The following WWOX variants were observed in gnomAD, a reference collection of about 807,000 sequenced individuals.
WWOX encodes WW domain containing oxidoreductase, also known as WW domain-containing oxidoreductase.
In WWOX, 69 loss-of-function variants were observed where a neutral mutation model predicts 46.2. The observed-to-expected ratio is 1.49, with a 90% CI of 1.23 to 1.82. WWOX has a LOEUF of 1.82. WWOX is among the 40% of genes most tolerant of loss of function. The probability of loss-of-function intolerance (pLI) is 0.00; values close to 1 mark genes in which losing one functional copy is unlikely to be tolerated. For missense variants in WWOX, 919 were observed against 542.6 expected (o/e 1.69, Z -6.89); for synonymous variants, 359 against 202.6 (o/e 1.77, Z -6.56).
intron 8 of WWOX, among the ~76,000 whole-genome samples, chr16:79,182,620 G>A (rs2050934771): frequency 1.3e-5 from 2 of 152,146 alleles, no homozygotes; most frequent in South Asian, 2.1e-4. Context: ...AGATTCTGGA[G>A]TCAGAAGGCC....
intron 8 of WWOX, among the ~76,000 whole-genome samples, chr16:78,656,668 C>T (rs1335471794): frequency 6.6e-6 from 1 of 152,156 alleles, no homozygotes; most frequent in Non-Finnish European, 1.5e-5. Flanking sequence ...TTGGGGATTG[C>T]AGTTTGATGT....
At chr16:79,036,337 T>A (rs1368942275) in intron 8 of WWOX, among the ~76,000 whole-genome samples, 2 of 152,226 alleles carry the variant, frequency 1.3e-5, no homozygotes, top group Admixed American at 6.5e-5. Flanking sequence ...TCATCACTCT[T>A]CCTGCATTCA....
At chr16:78,990,610 A>G (rs1215760290) in intron 8 of WWOX, among the ~76,000 whole-genome samples, 2 of 152,236 alleles carry the variant, frequency 1.3e-5, no homozygotes, top group African/African-American at 4.8e-5. Flanking sequence ...GTAAGATGGT[A>G]GAGCGAACAG....
chr16:78,136,909 G>A (rs1459155524), intron 4 of WWOX, among the ~76,000 whole-genome samples: 3 of 152,118 alleles, frequency 2.0e-5, no homozygotes, highest in East Asian at 1.9e-4. Flanking sequence ...CCAGACCTTC[G>A]CAGAGGGCAG....
intron 8 of WWOX, among the ~76,000 whole-genome samples, chr16:78,918,756 A>G (rs1414861494): frequency 6.6e-6 from 1 of 152,212 alleles, no homozygotes; most frequent in East Asian, 1.9e-4. Flanking sequence ...GAAATTCCAG[A>G]ATTAATGCTC....
intron 8 of WWOX, among the ~76,000 whole-genome samples, chr16:78,509,438 C>A (rs1011993433): frequency 4.1e-5 from 6 of 145,772 alleles, no homozygotes; most frequent in African/African-American, 1.0e-4. Flanking sequence ...GACTCAGTCT[C>A]AAAAAAAAAA....
At chr16:78,697,232 C>T (rs539030003) in intron 8 of WWOX, among the ~76,000 whole-genome samples, 3 of 152,340 alleles carry the variant, frequency 2.0e-5, no homozygotes, top group African/African-American at 7.2e-5. Flanking sequence ...TCTTCAAGAA[C>T]TCTCCACACT....
At position 78,835,383 on chromosome 16, in the gene WWOX, C is replaced by T. The variant is rs150144653; in HGVS notation, c.1057-376225C>T. ...TCCACACGTTGATAATGGTCAAATCCTCTTAAAGGGGCCAGCAACAAAAAT... is the reference window on the plus strand; with the variant it reads ...TCCACACGTTGATAATGGTCAAATCTTCTTAAAGGGGCCAGCAACAAAAAT... On this transcript the variant is annotated intron_variant, in intron 8 of 8. Transcript: ENST00000566780. Among the ~76,000 whole-genome samples the T allele has an allele frequency of 5.3e-3, 809 of 152,230 alleles. 7 individuals are homozygous for T. Among genetic ancestry groups the T allele is most frequent in the Middle Eastern group, 0.01 (3 of 294 alleles).
intron 5 of WWOX, among the ~76,000 whole-genome samples, chr16:78,353,669 T>G (rs1045414443): frequency 6.6e-6 from 1 of 152,240 alleles, no homozygotes; most frequent in African/African-American, 2.4e-5. Flanking sequence ...AGATTAGAGA[T>G]GTAACTCTGT....
At chr16:78,405,001 G>A (rs1480125404) in intron 6 of WWOX, among the ~76,000 whole-genome samples, 1 of 152,198 alleles carries the variant, frequency 6.6e-6, no homozygotes, top group Non-Finnish European at 1.5e-5. Flanking sequence ...ATCTTGGAGA[G>A]CATGTGGATG....
chr16:78,777,629 C>G (rs1187380295), intron 8 of WWOX, among the ~76,000 whole-genome samples: 1 of 151,994 alleles, frequency 6.6e-6, no homozygotes, highest in Non-Finnish European at 1.5e-5. Flanking sequence ...CTAATTTTTG[C>G]AATAGTCAAA....
At chr16:78,364,647 TTG>T (rs2081491964) in intron 5 of WWOX, among the ~76,000 whole-genome samples, 1 of 64,272 alleles carries the variant, frequency 1.6e-5, no homozygotes, top group Non-Finnish European at 3.9e-5. Context: ...ATCAGCCTGT[TTG>T]TGGGTGCTCT....
intron 8 of WWOX, among the ~76,000 whole-genome samples, chr16:79,128,349 A>G (rs896814216): frequency 8.8e-5 from 13 of 148,002 alleles, no homozygotes; most frequent in African/African-American, 3.0e-4. Context: ...TAAAAAAAAA[A>G]TAGGTCTTAG....
At position 78,458,348 on chromosome 16, in the gene WWOX, C is replaced by T. The variant is rs183011384; in HGVS notation, c.1056+25596C>T. ...TGATCACAGCTCACTGCAGTCTTGA[C>T]CTCCCAGGCTCAAGCAATCCTCTGG... On this transcript the variant is annotated intron_variant, in intron 8 of 8. Coordinates refer to ENST00000566780, the MANE Select transcript of WWOX (RefSeq NM_016373.4). Among the ~76,000 whole-genome samples the T allele has an allele frequency of 2.0e-3, 298 of 151,374 alleles. 2 individuals carry two copies. Among genetic ancestry groups the T allele is most frequent in the African/African-American group, 7.1e-3 (291 of 41,222 alleles).
intron 8 of WWOX, among the ~76,000 whole-genome samples, chr16:78,992,426 C>G (rs1263873588): frequency 6.6e-6 from 1 of 152,112 alleles, no homozygotes; most frequent in Non-Finnish European, 1.5e-5. Context: ...CAGATTGCGC[C>G]TCTGCACTCC....
At chr16:79,098,303 A>C (rs2150622779) in intron 8 of WWOX, among the ~76,000 whole-genome samples, 1 of 152,330 alleles carries the variant, frequency 6.6e-6, no homozygotes, top group East Asian at 1.9e-4. Flanking sequence ...ACTGAGTCTC[A>C]GTGTCTGAGA....
At chr16:78,971,868 T>C (rs1161936932) in intron 8 of WWOX, among the ~76,000 whole-genome samples, 5 of 152,124 alleles carry the variant, frequency 3.3e-5, no homozygotes, top group Non-Finnish European at 7.3e-5. Context: ...TCCTGGGACC[T>C]CAGTTTCCTC....
chr16:78,750,104 T>A (rs1437231274), intron 8 of WWOX, among the ~76,000 whole-genome samples: 2 of 152,136 alleles, frequency 1.3e-5, no homozygotes, highest in Non-Finnish European at 2.9e-5. Flanking sequence ...TTTCACACCT[T>A]AAAAACAAGG....
At chr16:78,300,753 G>T in intron 5 of WWOX, among the ~76,000 whole-genome samples, 1 of 151,984 alleles carries the variant, frequency 6.6e-6, no homozygotes, top group East Asian at 1.9e-4. Flanking sequence ...GAAATATTAT[G>T]ATTGGAAACT....
Sources: allele counts gnomAD v4.1 joint callset (sites outside exome capture counted in the v4.1 genomes callset), GRCh38; gene constraint gnomAD v4.1.1; transcripts MANE v1.5; gene names NCBI Gene and HGNC (gene_info 2026-07-23, HGNC 2026-07-21).